SDK1: variants seen among roughly 807,000 people sequenced by gnomAD.
SDK1 encodes protein sidekick-1.
In SDK1, 157 loss-of-function variants were observed where a neutral mutation model predicts 245.5. The observed-to-expected ratio is 0.64, with a 90% CI of 0.56 to 0.73. The LOEUF is 0.73. Among genes scored for constraint, SDK1 ranks in the 30% least tolerant of loss-of-function variants. The pLI is 0.00. For synonymous variants in SDK1, 1,647 were observed against 1,278.5 expected (o/e 1.29, Z -6.15); for missense variants, 3,583 against 3,002.3 (o/e 1.19, Z -4.52).
At chr7:4,046,744 G>A (rs914000153) in intron 17 of SDK1, among the ~76,000 whole-genome samples, 4 of 151,714 alleles carry the variant, frequency 2.6e-5, no homozygotes, top group African/African-American at 9.7e-5. Context: ...GACTTGCTTT[G>A]GCTATTCTAG....
intron 4 of SDK1, among the ~76,000 whole-genome samples, chr7:3,817,954 C>T (rs935641024): frequency 6.6e-6 from 1 of 152,208 alleles, no homozygotes; most frequent in African/African-American, 2.4e-5. Context: ...AGATTGATTT[C>T]TCTCTTGTGA....
intron 1 of SDK1, among the ~76,000 whole-genome samples, chr7:3,458,493 TC>T (rs1189685877): frequency 6.6e-6 from 1 of 152,146 alleles, no homozygotes; most frequent in African/African-American, 2.4e-5. Context: ...ATTGCTCAGT[TC>T]TTTTTCAGGC....
rs577155131 is a variant in SDK1 at position 3,547,333 on chromosome 7, G to A, written c.299-71747G>A. Among the ~76,000 whole-genome samples the A allele has an allele frequency of 5.3e-5, 8 of 152,256 alleles. No homozygotes were observed. In the South Asian group the frequency reaches 1.5e-3, roughly 28 times the overall value. On this transcript the variant is annotated intron_variant, in intron 1 of 44. Transcript: ENST00000404826. ...AACTGTATTGGTCAAAGCAAGTTAT[G>A]TGGTAAATAAAAATTAACAATAAAA...
intron 4 of SDK1, among the ~76,000 whole-genome samples, chr7:3,807,778 G>T (rs1338951210): frequency 6.6e-6 from 1 of 152,184 alleles, no homozygotes; most frequent in African/African-American, 2.4e-5. Context: ...CTGGGTTAGA[G>T]TCTTGATTGT....
chr7:3,803,918 C>G (rs535404979), intron 4 of SDK1, among the ~76,000 whole-genome samples: 1 of 152,014 alleles, frequency 6.6e-6, no homozygotes, highest in South Asian at 2.1e-4. Flanking sequence ...GCACCCGCCA[C>G]CACGCCTGGT....
intron 19 of SDK1, among the ~76,000 whole-genome samples, chr7:4,067,275 G>A (rs1476352778): frequency 6.6e-6 from 1 of 152,242 alleles, no homozygotes; most frequent in Non-Finnish European, 1.5e-5. Context: ...GCAGGGCACA[G>A]AAGCTCCTGG....
rs545966856 is a variant in SDK1, at chr7:3,764,117, G to A, written c.714-57333G>A. Among the ~76,000 whole-genome samples, 10 of 152,234 alleles carry A rather than the reference G, an allele frequency of 6.6e-5. No individual in the cohort carries two copies. The South Asian group carries it at 8.3e-4, about 13-fold the overall frequency. Reference sequence around the variant, plus strand: ...TATGAGTAGTATTGTTATAATACTCGTATTTTTATAATTCTACTTTGGCAT... The same window carrying A: ...TATGAGTAGTATTGTTATAATACTCATATTTTTATAATTCTACTTTGGCAT... On this transcript the variant is annotated intron_variant, in intron 4 of 44. Coordinates refer to ENST00000404826, the MANE Select transcript of SDK1 (RefSeq NM_152744.4).
intron 5 of SDK1, among the ~76,000 whole-genome samples, chr7:3,913,685 C>T (rs754796748): frequency 6.6e-6 from 1 of 152,132 alleles, no homozygotes; most frequent in African/African-American, 2.4e-5. Flanking sequence ...AATCCCAACT[C>T]TCCTAAACCC....
At chr7:3,462,785 T>C (rs867337612) in intron 1 of SDK1, among the ~76,000 whole-genome samples, 1 of 152,184 alleles carries the variant, frequency 6.6e-6, no homozygotes, top group Non-Finnish European at 1.5e-5. Context: ...ATCATCTCTT[T>C]CTTGGCCAAC....
intron 1 of SDK1, among the ~76,000 whole-genome samples, chr7:3,501,704 G>A (rs1164674717): frequency 2.0e-5 from 3 of 152,080 alleles, no homozygotes; most frequent in East Asian, 3.9e-4. Context: ...TCTAGTTACT[G>A]GTCCATAATT....
At chr7:3,615,799 C>G (rs1218548546) in intron 1 of SDK1, among the ~76,000 whole-genome samples, 2 of 147,774 alleles carry the variant, frequency 1.4e-5, no homozygotes, top group African/African-American at 4.9e-5. Flanking sequence ...TCCACGCCCT[C>G]TTTTTTTCCT....
Position 3,642,108 on chromosome 7 carries a change from A to T in SDK1, c.713+3A>T. ...AAGATTATTCCAAGCAACAGAATGT[A>T]AGTTGCTCCAAACGTTAAAGCTTCA... On this transcript the variant is annotated splice_donor_region_variant and intron_variant, in intron 4 of 44. Coordinates refer to ENST00000404826, the MANE Select transcript of SDK1 (RefSeq NM_152744.4). 6.2e-7 allele frequency: 1 copy of T among 1,613,698 alleles called. No individual in the cohort carries two copies.
chr7:4,114,866 C>G (rs1783598546), intron 25 of SDK1, among the ~76,000 whole-genome samples: 1 of 152,174 alleles, frequency 6.6e-6, no homozygotes, highest in African/African-American at 2.4e-5. Flanking sequence ...AAAGAATGGA[C>G]CTCTTCAGAC....
intron 1 of SDK1, among the ~76,000 whole-genome samples, chr7:3,566,675 T>G (rs893273797): frequency 2.7e-5 from 4 of 148,746 alleles, no homozygotes; most frequent in African/African-American, 1.0e-4. Context: ...GTCCACAACT[T>G]AGATTAACAG....
chr7:3,705,689 G>C (rs1173626283), intron 4 of SDK1, among the ~76,000 whole-genome samples: 1 of 151,866 alleles, frequency 6.6e-6, no homozygotes, highest in African/African-American at 2.4e-5. Context: ...ATGTGACCAT[G>C]GCATTGGCAG....
In SDK1 at chr7:3,733,818, G is replaced by A. The variant is rs76282719; in HGVS notation, c.714-87632G>A. 3.9e-5 allele frequency among the ~76,000 whole-genome samples: 6 copies of A among 152,190 alleles called. No individual in the cohort carries two copies. In the East Asian group the frequency reaches 7.7e-4, roughly 20 times the overall value. On this transcript the variant is annotated intron_variant, in intron 4 of 44. Coordinates refer to ENST00000404826, the MANE Select transcript of SDK1 (RefSeq NM_152744.4). ...AGGAGGCTGTAACACTCATAACGCC[G>A]ATTATGACTATTGTGAGAACAAATT...
chr7:3,515,513 C>G (rs1318253374), intron 1 of SDK1, among the ~76,000 whole-genome samples: 2 of 152,158 alleles, frequency 1.3e-5, no homozygotes, highest in East Asian at 1.9e-4. Flanking sequence ...CACACACTGT[C>G]CTTTTTAATT....
chr7:3,325,076 C>T (rs1052194214), intron 1 of SDK1, among the ~76,000 whole-genome samples: 4 of 151,928 alleles, frequency 2.6e-5, no homozygotes, highest in Non-Finnish European at 5.9e-5. Context: ...ATCCTAGGTT[C>T]CTTGGGAAGA....
At chr7:3,537,509 C>T (rs1381640546) in intron 1 of SDK1, among the ~76,000 whole-genome samples, 2 of 152,122 alleles carry the variant, frequency 1.3e-5, no homozygotes, top group African/African-American at 2.4e-5. Context: ...GGAATTTGTT[C>T]CTTATTCCTC....
Sources: allele counts gnomAD v4.1 joint callset (sites outside exome capture counted in the v4.1 genomes callset), GRCh38; gene constraint gnomAD v4.1.1; transcripts MANE v1.5; gene names NCBI Gene and HGNC (gene_info 2026-07-23, HGNC 2026-07-21).